The following SAMMSON variants were observed in gnomAD, a reference collection of about 807,000 sequenced individuals.
SAMMSON encodes the protein long intergenic non-protein coding RNA 1212.
intron 4 of SAMMSON, among the ~76,000 whole-genome samples, chr3:70,237,618 C>G (rs997363961): frequency 1.3e-5 from 2 of 152,180 alleles, no homozygotes; most frequent in Admixed American, 1.3e-4. Flanking sequence ...AACCTAGTGT[C>G]CTACATATAG....
chr3:70,327,328 A>G (rs1036419340), intron 7 of SAMMSON, among the ~76,000 whole-genome samples: 2 of 152,204 alleles, frequency 1.3e-5, no homozygotes, highest in African/African-American at 2.4e-5. Context: ...TAGACATTAG[A>G]CAACAAGCTG....
intron 4 of SAMMSON, among the ~76,000 whole-genome samples, chr3:70,204,231 A>G (rs1213089198): frequency 1.3e-5 from 2 of 152,178 alleles, no homozygotes; most frequent in African/African-American, 2.4e-5. Flanking sequence ...TGGATGCAGT[A>G]TTCTCTTTTC....
intron 4 of SAMMSON, among the ~76,000 whole-genome samples, chr3:70,175,065 G>A (rs1295160565): frequency 9.2e-5 from 14 of 152,028 alleles, no homozygotes; most frequent in African/African-American, 3.4e-4. Context: ...AAGAAAATTT[G>A]TTATCGCAAT....
chr3:70,383,406 A>G lies in SAMMSON; in HGVS notation n.914-6168A>G, dbSNP rs190524832. ...AGCTAACAGGTAAAAGCAAAAAGTC[A>G]TATTAGAAAATAGCTTTCATTTTCG... On this transcript the variant is annotated intron_variant and non_coding_transcript_variant, in intron 9 of 9. Coordinates refer to ENST00000642114, the Ensembl canonical transcript of SAMMSON. Among the ~76,000 whole-genome samples the G allele has an allele frequency of 1.8e-4, 28 of 151,962 alleles. No individual in the cohort carries two copies. The East Asian group carries it at 5.0e-3, about 27-fold the overall frequency.
At chr3:70,037,172 T>C (rs2067088419) in intron 3 of SAMMSON, among the ~76,000 whole-genome samples, 3 of 151,928 alleles carry the variant, frequency 2.0e-5, no homozygotes, top group Non-Finnish European at 2.9e-5. Context: ...TTTTTTTTTT[T>C]CCACCCCTCC....
intron 4 of SAMMSON, among the ~76,000 whole-genome samples, chr3:70,153,803 G>A (rs2067581032): frequency 6.6e-6 from 1 of 151,878 alleles, no homozygotes; most frequent in African/African-American, 2.4e-5. Context: ...CCTCTCCAGA[G>A]CTTTTTCATC....
At chr3:70,005,539 G>T (rs1207206080) in intron 1 of SAMMSON, among the ~76,000 whole-genome samples, 2 of 152,058 alleles carry the variant, frequency 1.3e-5, no homozygotes, top group East Asian at 3.9e-4. Flanking sequence ...GCTCTTAAAG[G>T]CCTCTTGAAG....
intron 4 of SAMMSON, among the ~76,000 whole-genome samples, chr3:70,073,066 G>A (rs889898233): frequency 2.6e-5 from 4 of 151,896 alleles, no homozygotes; most frequent in African/African-American, 7.2e-5. Context: ...GTTAGAAGGC[G>A]GAAGAACCCT....
chr3:70,144,785 C>T (rs766482302), intron 4 of SAMMSON, among the ~76,000 whole-genome samples: 9 of 152,260 alleles, frequency 5.9e-5, no homozygotes, highest in African/African-American at 2.2e-4. Context: ...CAAGCTCTCT[C>T]TTTGCCTGCT....
At chr3:70,251,109 T>G (rs891511480) in intron 6 of SAMMSON, among the ~76,000 whole-genome samples, 3 of 152,186 alleles carry the variant, frequency 2.0e-5, no homozygotes, top group Non-Finnish European at 4.4e-5. Flanking sequence ...GGAGCCTTAT[T>G]GTACAACAGG....
chr3:70,146,040 A>G (rs2106684078), intron 4 of SAMMSON, among the ~76,000 whole-genome samples: 1 of 152,156 alleles, frequency 6.6e-6, no homozygotes, highest in East Asian at 1.9e-4. Context: ...AAAGGATAAT[A>G]AAGGAATACT....
At chr3:70,342,459 A>G (rs1390679916) in intron 7 of SAMMSON, among the ~76,000 whole-genome samples, 1 of 152,216 alleles carries the variant, frequency 6.6e-6, no homozygotes, top group African/African-American at 2.4e-5. Flanking sequence ...AGACATATTG[A>G]TGGTGTACAC....
chr3:70,250,408 ATC>A (rs71674617), intron 6 of SAMMSON, among the ~76,000 whole-genome samples: 12,815 of 109,932 alleles, frequency 0.12, 570 homozygotes, highest in East Asian at 0.25. Flanking sequence ...CTTTTAATGA[ATC>A]TCACACACAC....
intron 1 of SAMMSON, among the ~76,000 whole-genome samples, chr3:70,004,907 A>T (rs1462747129): frequency 6.6e-6 from 1 of 152,140 alleles, no homozygotes; most frequent in African/African-American, 2.4e-5. Flanking sequence ...AGGCCAAATG[A>T]CCCACTTAGC....
chr3:70,229,931 TA>T (rs1167306389), intron 4 of SAMMSON, among the ~76,000 whole-genome samples: 1 of 152,180 alleles, frequency 6.6e-6, no homozygotes, highest in Non-Finnish European at 1.5e-5. Flanking sequence ...TTGGGGTATA[TA>T]TTATGGAATT....
intron 2 of SAMMSON, among the ~76,000 whole-genome samples, chr3:70,395,259 G>C (rs980705263): frequency 2.7e-5 from 4 of 150,134 alleles, no homozygotes; most frequent in Non-Finnish European, 5.9e-5. Flanking sequence ...CAGAATGCAA[G>C]TCAAGGTAGG....
chr3:70,286,273 A>G (rs1007022601), intron 6 of SAMMSON, among the ~76,000 whole-genome samples: 1 of 152,206 alleles, frequency 6.6e-6, no homozygotes, highest in East Asian at 1.9e-4. Flanking sequence ...AGCTTTCTAC[A>G]TATGGCTAGC....
rs571592939 is a variant in SAMMSON at position 70,368,441 on chromosome 3, A to G, written n.913+10117A>G. ...ACAATGTGACTTGCCTGAGTGAAAAAAATTTGTAGATGGTCTTTATTTGCC... is the reference window on the plus strand; with the variant it reads ...ACAATGTGACTTGCCTGAGTGAAAAGAATTTGTAGATGGTCTTTATTTGCC... On this transcript the variant is annotated intron_variant and non_coding_transcript_variant, in intron 9 of 9. Transcript: ENST00000642114. Among the ~76,000 whole-genome samples the G allele has an allele frequency of 2.0e-5, 3 of 151,780 alleles. No individual in the cohort carries two copies. In the East Asian group the frequency reaches 5.8e-4, roughly 29 times the overall value.
chr3:70,306,792 A>G (rs1052527478), intron 7 of SAMMSON, among the ~76,000 whole-genome samples: 1 of 152,304 alleles, frequency 6.6e-6, no homozygotes. Context: ...AATTATAGGT[A>G]GCTAGTTTTC....
Sources: allele counts gnomAD v4.1 joint callset (sites outside exome capture counted in the v4.1 genomes callset), GRCh38; gene constraint gnomAD v4.1.1; transcripts MANE v1.5; gene names NCBI Gene and HGNC (gene_info 2026-07-23, HGNC 2026-07-21).